Variants in TBC1D15 observed in about 807,000 individuals in gnomAD.
TBC1D15 encodes TBC1 domain family member 15, also known as GAP for RAB7.
Under a neutral mutation model 95.4 loss-of-function variants are expected in TBC1D15, and 39 were observed. The observed-to-expected ratio is 0.41, with a 90% CI of 0.32 to 0.53. The LOEUF is 0.53. TBC1D15 is among the 20% of genes least tolerant of loss of function. The pLI, the probability that TBC1D15 is intolerant of heterozygous loss-of-function variation, is 0.29. For missense variants in TBC1D15, 733 were observed against 794.3 expected (o/e 0.92, Z 0.93); for synonymous variants, 258 against 261.3 (o/e 0.99, Z 0.12).
At chr12:71,846,510 T>C (rs906106965) in intron 1 of TBC1D15, among the ~76,000 whole-genome samples, 8 of 152,318 alleles carry the variant, frequency 5.3e-5, no homozygotes, top group African/African-American at 1.9e-4. Context: ...GTTTGTTGAA[T>C]TGAATTTTAT....
chr12:71,879,569 G>A (rs1894714585), intron 3 of TBC1D15, among the ~76,000 whole-genome samples: 1 of 152,172 alleles, frequency 6.6e-6, no homozygotes, highest in Non-Finnish European at 1.5e-5. Context: ...GTCATCAGCA[G>A]TGTGAGATGG....
In TBC1D15 at chr12:71,923,417, C is replaced by A. The variant is rs1291580165; in HGVS notation, c.*213C>A. 2 of 475,774 alleles carry A rather than the reference C, an allele frequency of 4.2e-6. No homozygotes were observed. Among genetic ancestry groups the A allele is most frequent in the Admixed American group, 7.5e-5 (2 of 26,780 alleles). The allele number at this position is 475,774 out of a possible 1,614,324, so 29.5% of individuals were successfully genotyped here. A position where few individuals can be genotyped will look rare whatever the true frequency, so the allele number is the denominator to read the frequency against. On this transcript the variant is annotated 3_prime_UTR_variant, in exon 17 of 17. Transcript: ENST00000485960. ...ATAGCCTTTCCTTTTCGATAACATTCCTCAGTATTTTTATAGCCAAGTACA... is the reference window on the plus strand; with the variant it reads ...ATAGCCTTTCCTTTTCGATAACATTACTCAGTATTTTTATAGCCAAGTACA...
intron 10 of TBC1D15, among the ~76,000 whole-genome samples, chr12:71,900,388 C>G (rs897197943): frequency 6.6e-6 from 1 of 152,070 alleles, no homozygotes; most frequent in Non-Finnish European, 1.5e-5. Flanking sequence ...CCATTTATGC[C>G]TAGTGTTCCA....
intron 1 of TBC1D15, among the ~76,000 whole-genome samples, chr12:71,848,617 T>G (rs1435890372): frequency 6.6e-6 from 1 of 152,192 alleles, no homozygotes; most frequent in Non-Finnish European, 1.5e-5. Flanking sequence ...TAATACAAGT[T>G]CATTTGGGTC....
At position 71,893,162 on chromosome 12, in the gene TBC1D15, T is replaced by C. The variant is rs541645594; in HGVS notation, c.555-60T>C. The stretch of plus-strand genomic sequence containing the variant: ...TAAGGAACATTTGTGTTAGTAATTG[T>C]TCATGTAGTAATTGATACAGTGTGT... On this transcript the variant is annotated intron_variant, in intron 5 of 16. Coordinates refer to ENST00000485960, the MANE Select transcript of TBC1D15 (RefSeq NM_001146213.3). 3.2e-6 allele frequency: 3 copies of C among 937,546 alleles called. No individual in the cohort carries two copies. In the East Asian group the frequency reaches 8.7e-5, roughly 27 times the overall value. The allele number at this position is 937,546 out of a possible 1,614,324, so 58.1% of individuals were successfully genotyped here.
intron 4 of TBC1D15, among the ~76,000 whole-genome samples, chr12:71,882,214 T>C (rs895720168): frequency 1.3e-5 from 2 of 152,174 alleles, no homozygotes; most frequent in African/African-American, 4.8e-5. Context: ...TATTTAATTA[T>C]ATTTCTTAAG....
intron 5 of TBC1D15, among the ~76,000 whole-genome samples, chr12:71,889,339 A>C (rs1036667325): frequency 6.6e-6 from 1 of 152,144 alleles, no homozygotes; most frequent in Non-Finnish European, 1.5e-5. Context: ...TGGGAGGGCA[A>C]TTTACGTTTT....
intron 11 of TBC1D15, among the ~76,000 whole-genome samples, chr12:71,912,486 A>T (rs980166820): frequency 2.6e-5 from 4 of 152,136 alleles, no homozygotes; most frequent in Non-Finnish European, 4.4e-5. Context: ...AATTGAGCTG[A>T]AACTTTATTT....
chr12:71,861,428 A>C, intron 1 of TBC1D15: 1 of 1,495,514 alleles, frequency 6.7e-7, no homozygotes, highest in Non-Finnish European at 8.9e-7. Context: ...TCTTGATTCA[A>C]TCTTGATAAG....
At chr12:71,858,008 C>T (rs1300714082) in intron 1 of TBC1D15, among the ~76,000 whole-genome samples, 4 of 152,100 alleles carry the variant, frequency 2.6e-5, no homozygotes, top group African/African-American at 4.8e-5. Flanking sequence ...TTACTGCAAA[C>T]GACAGGATTT....
At position 71,913,939 on chromosome 12, in the gene TBC1D15, ATTCC is replaced by A; in HGVS notation, c.1401+18_1401+21del. 6.5e-7 allele frequency: 1 copy of A among 1,549,902 alleles called. No individual in the cohort carries two copies. Among genetic ancestry groups the A allele is most frequent in the Non-Finnish European group, 8.8e-7 (1 of 1,141,758 alleles). On this transcript the variant is annotated intron_variant, in intron 12 of 16. Coordinates refer to ENST00000485960, the MANE Select transcript of TBC1D15 (RefSeq NM_001146213.3). ...CATGGACCAAATGGTAAGAACAGAG[ATTCC>A]TTCCATTAAACTGATTTTTAAAATT...
intron 2 of TBC1D15, among the ~76,000 whole-genome samples, chr12:71,872,600 T>G: frequency 6.6e-6 from 1 of 152,200 alleles, no homozygotes; most frequent in East Asian, 1.9e-4. Flanking sequence ...AAGTATGATT[T>G]CTACTGCATG....
At chr12:71,904,860 G>A (rs1162053373) in intron 10 of TBC1D15, among the ~76,000 whole-genome samples, 1 of 152,178 alleles carries the variant, frequency 6.6e-6, no homozygotes, top group African/African-American at 2.4e-5. Flanking sequence ...AATGGGGAGT[G>A]AATGGACAAG....
intron 9 of TBC1D15, among the ~76,000 whole-genome samples, chr12:71,897,583 A>G (rs1292132016): frequency 6.6e-6 from 1 of 152,038 alleles, no homozygotes; most frequent in East Asian, 1.9e-4. Flanking sequence ...GATGAGATAA[A>G]TGTTTTTGTA....
intron 10 of TBC1D15, among the ~76,000 whole-genome samples, chr12:71,902,646 A>C (rs1246281032): frequency 1.3e-5 from 2 of 152,224 alleles, no homozygotes; most frequent in Non-Finnish European, 2.9e-5. Context: ...TCTAGGAAAT[A>C]CCATTGAGGA....
chr12:71,890,490 G>T (rs916858728), intron 5 of TBC1D15, among the ~76,000 whole-genome samples: 8 of 151,976 alleles, frequency 5.3e-5, no homozygotes, highest in African/African-American at 1.9e-4. Context: ...TGCATTTGTG[G>T]CCATGTTGTC....
In TBC1D15 at chr12:71,872,889, T is replaced by C. The variant is rs1892988869; in HGVS notation, c.130-40T>C. ...GAATAAAATAATTAAGAATAACATA[T>C]TGCTGAATATTAAATATAGTTCATA... On this transcript the variant is annotated intron_variant, in intron 2 of 16. Coordinates refer to ENST00000485960, the MANE Select transcript of TBC1D15 (RefSeq NM_001146213.3). 7 of 1,410,134 alleles carry C rather than the reference T, an allele frequency of 5.0e-6. No individual in the cohort carries two copies. In the East Asian group the frequency reaches 1.6e-4, roughly 32 times the overall value. The allele number at this position is 1,410,134 out of a possible 1,614,324, so 87.4% of individuals were successfully genotyped here.
At chr12:71,880,711 T>A (rs1200586310) in intron 4 of TBC1D15, 104 bp downstream of exon 4, 48 of 1,292,562 alleles carry the variant, frequency 3.7e-5, no homozygotes, top group Non-Finnish European at 4.8e-5. Flanking sequence ...GAAGGATGAT[T>A]AATTTCTTTG....
intron 1 of TBC1D15, among the ~76,000 whole-genome samples, chr12:71,852,856 A>G (rs530674756): frequency 6.6e-6 from 1 of 152,262 alleles, no homozygotes; most frequent in East Asian, 1.9e-4. Context: ...CCGTTCAACC[A>G]GTCTCTAGGA....
Sources: allele counts gnomAD v4.1 joint callset (sites outside exome capture counted in the v4.1 genomes callset), GRCh38; gene constraint gnomAD v4.1.1; transcripts MANE v1.5; gene names NCBI Gene and HGNC (gene_info 2026-07-23, HGNC 2026-07-21).